Variants in LINGO2 observed in about 807,000 individuals in gnomAD.
LINGO2 encodes the protein leucine-rich repeat and immunoglobulin-like domain-containing nogo receptor-interacting protein 2.
In LINGO2, 14 loss-of-function variants were observed where a neutral mutation model predicts 30.6. The observed-to-expected ratio is 0.46, with a 90% CI of 0.30 to 0.72. The LOEUF (loss-of-function observed/expected upper bound fraction) is 0.72. Among genes scored for constraint, LINGO2 ranks in the 30% least tolerant of loss-of-function variants. The pLI is 0.07. For missense variants in LINGO2, 729 were observed against 751.7 expected (o/e 0.97, Z 0.35); for synonymous variants, 317 against 288.5 (o/e 1.10, Z -1.00).
intron 3 of LINGO2, among the ~76,000 whole-genome samples, chr9:28,332,136 A>C (rs1825442923): frequency 6.6e-6 from 1 of 152,114 alleles, no homozygotes; most frequent in Admixed American, 6.6e-5. Flanking sequence ...TGATTTTTTT[A>C]ATAGACTTTA....
the LINGO2 span, among the ~76,000 whole-genome samples, chr9:28,968,796 G>A: frequency 6.6e-6 from 1 of 152,106 alleles, no homozygotes; most frequent in Admixed American, 6.6e-5. Context: ...TGTATAAAGT[G>A]CAATTTTAAC....
the LINGO2 span, among the ~76,000 whole-genome samples, chr9:28,728,877 C>A: frequency 6.6e-6 from 1 of 152,052 alleles, no homozygotes. Context: ...TGGACCTGGA[C>A]GCTGAGAAAC....
chr9:28,899,441 G>T, the LINGO2 span, among the ~76,000 whole-genome samples: 1 of 152,122 alleles, frequency 6.6e-6, no homozygotes, highest in African/African-American at 2.4e-5. Flanking sequence ...CCAGGGTTAG[G>T]CTGGCCCCAG....
intron 5 of LINGO2, among the ~76,000 whole-genome samples, chr9:27,963,703 G>C (rs1819958858): frequency 6.7e-6 from 1 of 150,268 alleles, no homozygotes; most frequent in Non-Finnish European, 1.5e-5. Flanking sequence ...TTCTCAAATG[G>C]AGAAGAATGG....
At chr9:29,010,370 A>C in the LINGO2 span, among the ~76,000 whole-genome samples, 2 of 152,174 alleles carry the variant, frequency 1.3e-5, no homozygotes, top group Non-Finnish European at 2.9e-5. Context: ...CAGGGAAGAG[A>C]AGATGTCCCA....
intron 1 of LINGO2, among the ~76,000 whole-genome samples, chr9:28,484,845 A>T (rs966749135): frequency 1.3e-5 from 2 of 152,134 alleles, no homozygotes; most frequent in Non-Finnish European, 2.9e-5. Context: ...GAGAGACATC[A>T]TCTACAGGGT....
chr9:29,113,872 G>T, the LINGO2 span, among the ~76,000 whole-genome samples: 1 of 151,942 alleles, frequency 6.6e-6, no homozygotes, highest in Non-Finnish European at 1.5e-5. Flanking sequence ...GATGCTCAAG[G>T]TATTTTACTT....
At chr9:28,035,916 A>ACG (rs4007461) in intron 4 of LINGO2, among the ~76,000 whole-genome samples, 4 of 147,106 alleles carry the variant, frequency 2.7e-5, no homozygotes, top group Non-Finnish European at 5.9e-5. Flanking sequence ...ACACACACAC[A>ACG]TGCGCTAATA....
At chr9:28,337,865 A>T (rs184003847) in intron 3 of LINGO2, among the ~76,000 whole-genome samples, 2 of 147,944 alleles carry the variant, frequency 1.4e-5, no homozygotes, top group African/African-American at 2.7e-5. Context: ...AGTTTGCTGC[A>T]GGGGTGGGGC....
chr9:28,254,585 T>C, intron 4 of LINGO2, among the ~76,000 whole-genome samples: 1 of 152,116 alleles, frequency 6.6e-6, no homozygotes, highest in East Asian at 1.9e-4. Flanking sequence ...TTAGAGGCAC[T>C]TTAAATCCCA....
intron 5 of LINGO2, among the ~76,000 whole-genome samples, chr9:27,980,993 A>G (rs976987316): frequency 1.3e-5 from 2 of 151,898 alleles, no homozygotes; most frequent in Non-Finnish European, 2.9e-5. Context: ...AGGAGAGTTG[A>G]TCAATATTGA....
chr9:29,135,914 G>A, the LINGO2 span, among the ~76,000 whole-genome samples: 4 of 152,096 alleles, frequency 2.6e-5, no homozygotes, highest in East Asian at 5.8e-4. Flanking sequence ...TTAGCATAAT[G>A]TCGTCAAGGT....
At chr9:29,004,006 C>T in the LINGO2 span, among the ~76,000 whole-genome samples, 17 of 151,998 alleles carry the variant, frequency 1.1e-4, no homozygotes, top group Admixed American at 7.9e-4. Flanking sequence ...TCTTCCCTTT[C>T]GTATCCATCT....
At chr9:28,356,611 C>T (rs1311355743) in intron 3 of LINGO2, among the ~76,000 whole-genome samples, 1 of 152,232 alleles carries the variant, frequency 6.6e-6, no homozygotes, top group East Asian at 1.9e-4. Flanking sequence ...CTAAGCAAAA[C>T]GTTTCAGTTG....
chr9:28,539,033 T>A (rs1821561709), intron 1 of LINGO2, among the ~76,000 whole-genome samples: 1 of 152,084 alleles, frequency 6.6e-6, no homozygotes, highest in Non-Finnish European at 1.5e-5. Flanking sequence ...GATTTTTCAA[T>A]TATATTTTTC....
chr9:28,408,166 C>A (rs1358115351), intron 2 of LINGO2, among the ~76,000 whole-genome samples: 1 of 152,136 alleles, frequency 6.6e-6, no homozygotes, highest in Non-Finnish European at 1.5e-5. Flanking sequence ...CAGTAACTTA[C>A]AAGGTACCCT....
chr9:29,077,716 G>A, the LINGO2 span, among the ~76,000 whole-genome samples: 1 of 152,044 alleles, frequency 6.6e-6, no homozygotes, highest in East Asian at 1.9e-4. Context: ...AGTCCTTCAT[G>A]AGCAGGGCTT....
At chr9:28,823,730 A>T in the LINGO2 span, among the ~76,000 whole-genome samples, 1 of 152,268 alleles carries the variant, frequency 6.6e-6, no homozygotes, top group South Asian at 2.1e-4. Flanking sequence ...CACCTGAATG[A>T]CTTATCTTGA....
chr9:28,013,028 T>C (rs1222887558), intron 4 of LINGO2, among the ~76,000 whole-genome samples: 1 of 151,990 alleles, frequency 6.6e-6, no homozygotes, highest in Non-Finnish European at 1.5e-5. Flanking sequence ...GTAATATTGA[T>C]GTTGTTGGTC....
Sources: gnomAD v4.1 joint callset for allele counts (sites outside exome capture counted in the v4.1 genomes callset) on GRCh38, gnomAD v4.1.1 for gene constraint, MANE v1.5 for transcripts, NCBI Gene and HGNC (gene_info 2026-07-23, HGNC 2026-07-21) for gene names.